Variants in COL4A3 observed in about 807,000 individuals in gnomAD.
The protein encoded by COL4A3 is collagen type IV alpha 3 chain, also known as collagen alpha-3(IV) chain.
In COL4A3, 135 loss-of-function variants were observed where a neutral mutation model predicts 217.4. The ratio of observed to expected loss-of-function variants is 0.62; its 90% confidence interval spans 0.54 to 0.72. The LOEUF (loss-of-function observed/expected upper bound fraction) is 0.72, where lower values mean the gene tolerates loss of function less well. Among genes scored for constraint, COL4A3 ranks in the 30% least tolerant of loss-of-function variants. COL4A3 has a pLI of 0.00. For synonymous variants in COL4A3, 690 were observed against 736.3 expected (o/e 0.94, Z 1.02); for missense variants, 1,868 against 2,119.9 (o/e 0.88, Z 2.33).
chr2:227,188,269 A>C (rs1268336446), intron 1 of COL4A3, among the ~76,000 whole-genome samples: 1 of 152,018 alleles, frequency 6.6e-6, no homozygotes, highest in African/African-American at 2.4e-5. Context: ...AATTCTTTTT[A>C]AGTATCTGGA....
chr2:227,192,792 A>T (rs964877169), intron 1 of COL4A3, among the ~76,000 whole-genome samples: 2 of 152,226 alleles, frequency 1.3e-5, no homozygotes, highest in Admixed American at 6.5e-5. Flanking sequence ...AGTCAACCCA[A>T]ATAAGAGTTT....
chr2:227,290,044 G>C lies in COL4A3; in HGVS notation c.3026G>C (p.Gly1009Ala), dbSNP rs1204230457. 1.9e-6 allele frequency: 3 copies of C among 1,614,180 alleles called. No homozygotes were observed. Among genetic ancestry groups the C allele is most frequent in the Non-Finnish European group, 2.5e-6 (3 of 1,180,018 alleles). ...AGCACTGGGAATCCTGGAGAACCAG[G>C]ACTGCGTGGTATACCAGGAAGCATG... ...LGSTGNPGEP[G>A]LRGIPGSMGN... The change falls in exon 36 of 52, where the codon GGA (glycine) becomes GCA (alanine). Residue 1009 changes from glycine (G) to alanine (A), a missense_variant. By Grantham distance (60) the Gly-to-Ala change is moderately conservative. This residue lies in a region of COL4A3 where 1,503 missense variants were observed against 1,786.1 expected (regional missense o/e 0.84). Transcript: ENST00000396578.
At chr2:227,174,267 G>A (rs761666337) in intron 1 of COL4A3, among the ~76,000 whole-genome samples, 1 of 152,116 alleles carries the variant, frequency 6.6e-6, no homozygotes, top group Non-Finnish European at 1.5e-5. Flanking sequence ...AATGGGGCAA[G>A]GGAAATATAT....
intron 1 of COL4A3, among the ~76,000 whole-genome samples, chr2:227,228,328 C>T (rs565655377): frequency 2.8e-4 from 42 of 152,352 alleles, no homozygotes; most frequent in Non-Finnish European, 4.9e-4. Flanking sequence ...CGGGCAGAGG[C>T]GGCCCTGCAG....
chr2:227,270,508 T>C (rs2071172905), intron 24 of COL4A3, among the ~76,000 whole-genome samples: 1 of 152,218 alleles, frequency 6.6e-6, no homozygotes, highest in Admixed American at 6.5e-5. Flanking sequence ...TAACCTGTAT[T>C]ATGGTGATTG....
chr2:227,227,832 C>A (rs955690126), intron 1 of COL4A3: 1 of 152,198 alleles, frequency 6.6e-6, no homozygotes, highest in South Asian at 2.1e-4. Flanking sequence ...CAAGGGATCC[C>A]GTGGAGCCTA....
At position 227,201,415 on chromosome 2, in the gene COL4A3, A is replaced by G. The variant is rs190577638; in HGVS notation, c.88-36553A>G. On this transcript the variant is annotated intron_variant, in intron 1 of 51. Transcript: ENST00000396578. ...TGGGTAGAAAAGGCAAATTTGTCAC[A>G]TCCCAGGCTTACATTGTATTTGCCA... Among the ~76,000 whole-genome samples, 39 of 152,324 alleles carry G rather than the reference A, an allele frequency of 2.6e-4. 1 individual carries two copies. Among genetic ancestry groups the G allele is most frequent in the Admixed American group, 2.2e-3 (34 of 15,294 alleles).
chr2:227,284,932 T>C (rs182771429), intron 34 of COL4A3, among the ~76,000 whole-genome samples: 1 of 152,312 alleles, frequency 6.6e-6, no homozygotes, highest in East Asian at 1.9e-4. Context: ...GCCCTTTTTA[T>C]GGCAGTTTTC....
chr2:227,309,937 A>C (rs1402752289), intron 50 of COL4A3, among the ~76,000 whole-genome samples: 1 of 152,024 alleles, frequency 6.6e-6, no homozygotes, highest in Non-Finnish European at 1.5e-5. Context: ...TGGAATGCCT[A>C]TTTTTTATAA....
chr2:227,196,356 C>T (rs1006063762), intron 1 of COL4A3, among the ~76,000 whole-genome samples: 8 of 151,260 alleles, frequency 5.3e-5, no homozygotes, highest in African/African-American at 9.7e-5. Context: ...CTTGCTCTGT[C>T]GCCCAGGCTG....
At chr2:227,225,015 G>A (rs574949863) in intron 1 of COL4A3, among the ~76,000 whole-genome samples, 3 of 152,228 alleles carry the variant, frequency 2.0e-5, no homozygotes, top group South Asian at 2.1e-4. Flanking sequence ...GGGCTCCAGC[G>A]ATCCTCCCGC....
At chr2:227,299,816 A>T (rs978007535) in intron 43 of COL4A3, among the ~76,000 whole-genome samples, 1 of 152,238 alleles carries the variant, frequency 6.6e-6, no homozygotes, top group Non-Finnish European at 1.5e-5. Context: ...ACAGCATTCC[A>T]GATCCTTGCT....
chr2:227,294,628 A>G (rs2072941235), intron 39 of COL4A3, 58 bp downstream of exon 39: 1 of 1,283,412 alleles, frequency 7.8e-7, no homozygotes, highest in Non-Finnish European at 1.1e-6. Context: ...TTTTCTCCTG[A>G]GGTTTGGATT....
intron 1 of COL4A3, among the ~76,000 whole-genome samples, chr2:227,220,300 A>G (rs2067724050): frequency 6.8e-6 from 1 of 147,230 alleles, no homozygotes; most frequent in Admixed American, 7.0e-5. Flanking sequence ...ATCCTGCCTC[A>G]GCCTCCCAAG....
Position 227,280,940 on chromosome 2 carries a change from A to G in COL4A3, c.2422A>G (p.Arg808Gly). 6.4e-7 allele frequency: 1 copy of G among 1,567,370 alleles called. No homozygotes were observed. The highest frequency in any genetic ancestry group is 8.7e-7 in the Non-Finnish European group (1 of 1,155,418). The change falls in exon 31 of 52, where the codon AGG (arginine) becomes GGG (glycine). Residue 808 changes from arginine (R) to glycine (G), a missense_variant. Transcript: ENST00000396578. ...GPPGEQGPPGRCIEGPRGAQG... is the reference protein window; with the variant it reads ...GPPGEQGPPGGCIEGPRGAQG... ...ACCTGGAGAACAAGGACCCCCAGGA[A>G]GGTGCATAGAGGGTCCCAGGGGAGC...
intron 9 of COL4A3, among the ~76,000 whole-genome samples, chr2:227,249,230 A>ATATATATTTTTTTTTTTTTT: frequency 6.8e-5 from 1 of 14,692 alleles, no homozygotes; most frequent in African/African-American, 2.7e-4. Flanking sequence ...ATATATATAT[A>ATATATATTTTTTTTTTTTTT]TTTTTTTTTT....
In COL4A3 at chr2:227,282,056, G is replaced by A. The variant is rs1410266359; in HGVS notation, c.2489-309G>A. Reference sequence around the variant, plus strand: ...GGAGGCCGAGGTGGGCGGATCATTTGAGGTCAGGAGTTTGAGACCAGCCTG... The same window carrying A: ...GGAGGCCGAGGTGGGCGGATCATTTAAGGTCAGGAGTTTGAGACCAGCCTG... On this transcript the variant is annotated intron_variant, in intron 31 of 51. Transcript: ENST00000396578. The surrounding 1 kb of genome is among the most constrained non-coding windows in gnomAD (Gnocchi z 4.4). Among the ~76,000 whole-genome samples, 1 of 152,136 alleles carries A rather than the reference G, an allele frequency of 6.6e-6. No homozygotes were observed. Among genetic ancestry groups the A allele is most frequent in the East Asian group, 1.9e-4 (1 of 5,194 alleles).
intron 1 of COL4A3, among the ~76,000 whole-genome samples, chr2:227,207,854 C>T (rs977645786): frequency 6.6e-6 from 1 of 152,098 alleles, no homozygotes; most frequent in Non-Finnish European, 1.5e-5. Context: ...TAAACTTGCC[C>T]TGTAGGGAGT....
chr2:227,257,912 G>A (rs1388046355), intron 18 of COL4A3, among the ~76,000 whole-genome samples: 1 of 152,226 alleles, frequency 6.6e-6, no homozygotes, highest in East Asian at 1.9e-4. Flanking sequence ...CCAGGCCCAA[G>A]GTGATCCTGC....
Sources: gnomAD v4.1 joint callset for allele counts (sites outside exome capture counted in the v4.1 genomes callset) on GRCh38, gnomAD v4.1.1 for gene constraint, gnomAD v4.1.1 regional missense constraint, Gnocchi (gnomAD v3.1) non-coding constraint, MANE v1.5 for transcripts, NCBI Gene and HGNC (gene_info 2026-07-23, HGNC 2026-07-21) for gene names.